RAB26: variants seen among roughly 807,000 people sequenced by gnomAD.
RAB26 encodes the protein RAB26, member RAS oncogene family.
Under a neutral mutation model 33.1 loss-of-function variants are expected in RAB26, and 39 were observed. The observed-to-expected ratio is 1.18, with a 90% CI of 0.91 to 1.54. The LOEUF (loss-of-function observed/expected upper bound fraction) is 1.54, where lower values mean the gene tolerates loss of function less well. Ranked by LOEUF, RAB26 falls within the 40% of genes most tolerant of loss-of-function variation. The pLI is 0.00. For missense variants in RAB26, 468 were observed against 362.9 expected (o/e 1.29, Z -2.35); for synonymous variants, 192 against 151.9 (o/e 1.26, Z -1.94).
At chr16:2,149,565 C>T (rs975086753) in intron 1 of RAB26, among the ~76,000 whole-genome samples, 10 of 152,080 alleles carry the variant, frequency 6.6e-5, no homozygotes, top group Admixed American at 1.3e-4. Flanking sequence ...TTGCTGGGGT[C>T]ATGTCCCTAC....
chr16:2,152,610 T>G (rs2093008873), intron 5 of RAB26, among the ~76,000 whole-genome samples: 1 of 148,068 alleles, frequency 6.8e-6, no homozygotes, highest in Admixed American at 6.8e-5. Context: ...GGAGAATAGC[T>G]TGAACCCAGG....
Position 2,153,559 on chromosome 16 carries a change from T to C in RAB26, c.*138T>C, listed in dbSNP as rs1464166669. ...TTTTCAGGAGCCCCAGGTCAAGCCTTGTCCCTTCCTCCTCCCAGCAACAGT... is the reference window on the plus strand; with the variant it reads ...TTTTCAGGAGCCCCAGGTCAAGCCTCGTCCCTTCCTCCTCCCAGCAACAGT... On this transcript the variant is annotated 3_prime_UTR_variant, in exon 9 of 9. Coordinates refer to ENST00000210187, the MANE Select transcript of RAB26 (RefSeq NM_014353.5). 7.8e-6 allele frequency: 6 copies of C among 764,684 alleles called. No homozygotes were observed. The highest frequency in any genetic ancestry group is 1.1e-5 in the Non-Finnish European group (5 of 465,618). 47.4% of individuals were successfully genotyped at this position (764,684 alleles called of 1,614,324 possible). A position where few individuals can be genotyped will look rare whatever the true frequency, so the allele number is the denominator to read the frequency against.
chr16:2,149,619 TAGG>T (rs1198009778), intron 1 of RAB26, among the ~76,000 whole-genome samples: 5 of 152,130 alleles, frequency 3.3e-5, no homozygotes, highest in Non-Finnish European at 5.9e-5. Context: ...CCAAGTCTCT[TAGG>T]AGGTACCCAG....
rs375558851 is a variant in RAB26, at chr16:2,153,525, G to A, written c.*104G>A. 3.7e-4 allele frequency: 390 copies of A among 1,067,824 alleles called. 2 individuals are homozygous for A. The East Asian group carries it at 3.9e-3, about 11-fold the overall frequency. The allele number at this position is 1,067,824 out of a possible 1,614,324, so 66.1% of individuals were successfully genotyped here. A position where few individuals can be genotyped will look rare whatever the true frequency, so the allele number is the denominator to read the frequency against. On this transcript the variant is annotated 3_prime_UTR_variant, in exon 9 of 9. Coordinates refer to ENST00000210187, the MANE Select transcript of RAB26 (RefSeq NM_014353.5). The stretch of plus-strand genomic sequence containing the variant: ...CTTTGTTGCCCAGTGGCCAACGCCC[G>A]AGTGTCTGTTTTCAGGAGCCCCAGG...
At position 2,153,982 on chromosome 16, in the gene RAB26, G is replaced by A. The variant is rs2141254974; in HGVS notation, c.*561G>A. On this transcript the variant is annotated 3_prime_UTR_variant, in exon 9 of 9. Coordinates refer to ENST00000210187, the MANE Select transcript of RAB26 (RefSeq NM_014353.5). ...GCCTGTGGCCTTGTGATAAAATGTG[G>A]GAAATCACAGAAAACACCAGAAACA... The A allele has an allele frequency of 2.7e-6, 1 of 365,854 alleles. No homozygotes were observed. Among genetic ancestry groups the A allele is most frequent in the Middle Eastern group, 3.8e-4 (1 of 2,636 alleles). 22.7% of individuals were successfully genotyped at this position (365,854 alleles called of 1,614,324 possible).
At position 2,153,148 on chromosome 16, in the gene RAB26, G is replaced by T. The variant is rs756810720; in HGVS notation, c.594G>T (p.Glu198Asp). ...KREDGEKLAK[E>D]YGLPFMETSA... ...TGGCTGGCAGCAGCTGTTTACAGGA[G>T]TATGGACTGCCCTTCATGGAGACCA... Residue 198 changes from glutamate (E) to aspartate (D), a missense_variant and splice_region_variant, in exon 8 of 9, where the codon GAG becomes GAT. Transcript: ENST00000210187. 6.2e-7 allele frequency: 1 copy of T among 1,613,800 alleles called. No homozygotes were observed. The highest frequency in any genetic ancestry group is 1.1e-5 in the South Asian group (1 of 91,090).
rs540353258 is a variant in RAB26 at position 2,153,616 on chromosome 16, C to G, written c.*195C>G. 1.8e-5 allele frequency: 12 copies of G among 667,736 alleles called. No individual in the cohort carries two copies. Among genetic ancestry groups the G allele is most frequent in the East Asian group, 1.4e-4 (5 of 36,366 alleles). The allele number at this position is 667,736 out of a possible 1,614,324, so 41.4% of individuals were successfully genotyped here. On this transcript the variant is annotated 3_prime_UTR_variant, in exon 9 of 9. Coordinates refer to ENST00000210187, the MANE Select transcript of RAB26 (RefSeq NM_014353.5). Reference sequence around the variant, plus strand: ...AAGCAGGCTTCTGAGAGCCCGTGGCCGCACACTGGCCGCCACGGAAAAGCA... The same window carrying G: ...AAGCAGGCTTCTGAGAGCCCGTGGCGGCACACTGGCCGCCACGGAAAAGCA...
chr16:2,153,188 C>T lies in RAB26; in HGVS notation c.634C>T (p.Leu212Phe). Residue 212 changes from leucine to phenylalanine, a missense_variant, in exon 8 of 9, where the codon CTC (leucine) becomes TTC (phenylalanine). Physicochemically the swap from Leu to Phe is conservative, Grantham distance 22. Coordinates refer to ENST00000210187, the MANE Select transcript of RAB26 (RefSeq NM_014353.5). ...CATGGAGACCAGCGCCAAGACGGGC[C>T]TCAACGTGGACTTGGCCTTCACAGC... Reference protein sequence around the residue: ...PFMETSAKTGLNVDLAFTAIA... With the variant: ...PFMETSAKTGFNVDLAFTAIA... The T allele has an allele frequency of 1.2e-6, 2 of 1,613,822 alleles. No homozygotes were observed. Among genetic ancestry groups the T allele is most frequent in the East Asian group, 2.2e-5 (1 of 44,880 alleles).
chr16:2,150,018 G>C lies in RAB26; in HGVS notation c.273G>C (p.Gly91=). The change falls in exon 2 of 9, where the codon GGG becomes GGC. Residue 91 remains glycine, a synonymous_variant. Coordinates refer to ENST00000210187, the MANE Select transcript of RAB26 (RefSeq NM_014353.5). ...VRFKDGAFLA[G]TFISTVGIDF... The stretch of plus-strand genomic sequence containing the variant: ...TCAAGGATGGTGCTTTCCTGGCGGG[G>C]ACCTTCATCTCCACCGTAGGCATTG... 6.5e-7 allele frequency: 1 copy of C among 1,544,966 alleles called. No individual in the cohort carries two copies.
intron 2 of RAB26, chr16:2,151,264 AG>A: frequency 3.5e-6 from 2 of 566,312 alleles, no homozygotes; most frequent in Non-Finnish European, 6.5e-6. Context: ...GAGGCGTTGC[AG>A]CTCGTTAGTT....
At position 2,148,642 on chromosome 16, in the gene RAB26, G is replaced by T; in HGVS notation, c.-142G>T. On this transcript the variant is annotated 5_prime_UTR_variant, in exon 1 of 9. Coordinates refer to ENST00000210187, the MANE Select transcript of RAB26 (RefSeq NM_014353.5). ...GGGGCGGGGCGCGAGCCGGGCGCCCGGGATGATGCCGCCGCCGCCGCCGCC... is the reference window on the plus strand; with the variant it reads ...GGGGCGGGGCGCGAGCCGGGCGCCCTGGATGATGCCGCCGCCGCCGCCGCC... 1.9e-6 allele frequency: 1 copy of T among 522,950 alleles called. No individual in the cohort carries two copies. Among genetic ancestry groups the T allele is most frequent in the Non-Finnish European group, 2.4e-6 (1 of 417,228 alleles). 32.4% of individuals were successfully genotyped at this position (522,950 alleles called of 1,614,324 possible).
At chr16:2,153,260 G>A in intron 8 of RAB26, 38 bp downstream of exon 8, 2 of 1,613,552 alleles carry the variant, frequency 1.2e-6, no homozygotes, top group Non-Finnish European at 1.7e-6. Flanking sequence ...CCCAGCCCAG[G>A]GCCTGAATCC....
At chr16:2,151,379 G>C (rs984511519) in intron 2 of RAB26, 190 bp from the exon 3 acceptor site, 4 of 703,678 alleles carry the variant, frequency 5.7e-6, no homozygotes, top group Non-Finnish European at 1.0e-5. Context: ...AGCAGGAATA[G>C]TGCAGAGGCT....
intron 2 of RAB26, among the ~76,000 whole-genome samples, chr16:2,150,520 A>G (rs1596656714): frequency 7.9e-6 from 1 of 125,844 alleles, no homozygotes; most frequent in Non-Finnish European, 1.6e-5. Context: ...GCTTGTCCTC[A>G]GCAAATCTTA....
In RAB26 at chr16:2,151,622, G is replaced by A. The variant is rs1420923561; in HGVS notation, c.348+12G>A. 1.2e-6 allele frequency: 2 copies of A among 1,614,040 alleles called. No individual in the cohort carries two copies. The highest frequency in any genetic ancestry group is 2.2e-5 in the South Asian group (2 of 91,080). On this transcript the variant is annotated intron_variant, in intron 3 of 8. Coordinates refer to ENST00000210187, the MANE Select transcript of RAB26 (RefSeq NM_014353.5). ...AGGTGAAGCTGCAGGTAAGGTGACT[G>A]GCAGAGGACAAGTTGGGGGACAGGG... is the stretch of plus-strand genomic sequence containing the variant.
chr16:2,153,029 G>C lies in RAB26; in HGVS notation c.575G>C (p.Gly192Ala), dbSNP rs1360327609. The change falls in exon 7 of 9, where the codon GGG becomes GCG. Residue 192 changes from glycine (G) to alanine (A), a missense_variant. Physicochemically the swap from Gly to Ala is moderately conservative, Grantham distance 60 (BLOSUM62 0). Coordinates refer to ENST00000210187, the MANE Select transcript of RAB26 (RefSeq NM_014353.5). ...AHERVVKRED[G>A]EKLAKEYGLP... ...GAGCGTGTGGTGAAGAGGGAGGACGGGGAGAAGCTGGCCAAGGTGAGTCAG... is the reference window on the plus strand; with the variant it reads ...GAGCGTGTGGTGAAGAGGGAGGACGCGGAGAAGCTGGCCAAGGTGAGTCAG... The C allele has an allele frequency of 1.9e-6, 3 of 1,603,572 alleles. No homozygotes were observed. Among genetic ancestry groups the C allele is most frequent in the Non-Finnish European group, 2.6e-6 (3 of 1,172,840 alleles).
At chr16:2,149,400 G>C (rs776258822) in intron 1 of RAB26, among the ~76,000 whole-genome samples, 1 of 150,854 alleles carries the variant, frequency 6.6e-6, no homozygotes, top group Non-Finnish European at 1.5e-5. Flanking sequence ...GTGTGGACTT[G>C]GCAGGGGGCT....
chr16:2,153,109 G>A (rs760682553), intron 7 of RAB26, 37 bp from the exon 8 acceptor site: 14 of 1,613,098 alleles, frequency 8.7e-6, no homozygotes, highest in East Asian at 4.5e-5. Flanking sequence ...GGCTGTCCCC[G>A]CCAGGCCACC....
intron 2 of RAB26, 197 bp from the exon 3 acceptor site, chr16:2,151,372 A>G (rs1462452007): frequency 1.5e-6 from 1 of 677,468 alleles, no homozygotes; most frequent in Non-Finnish European, 2.6e-6. Context: ...GGCTCTAAGC[A>G]GGAATAGTGC....
Sources: gnomAD v4.1 joint callset for allele counts (sites outside exome capture counted in the v4.1 genomes callset) on GRCh38, gnomAD v4.1.1 for gene constraint, MANE v1.5 for transcripts, NCBI Gene and HGNC (gene_info 2026-07-23, HGNC 2026-07-21) for gene names.